Variants in MCM5 observed in about 807,000 individuals in gnomAD.
MCM5 encodes the protein minichromosome maintenance complex component 5.
MCM5 carries 46 observed loss-of-function variants against 79.9 expected under a neutral mutation model. That is an observed-to-expected ratio of 0.58 (90% confidence interval 0.45 to 0.74). MCM5 has a LOEUF of 0.74. MCM5 is among the 30% of genes least tolerant of loss of function. The pLI is 0.00. For synonymous variants in MCM5, 404 were observed against 390.5 expected (o/e 1.03, Z -0.41); for missense variants, 883 against 1,017.0 (o/e 0.87, Z 1.79).
In MCM5 at chr22:35,424,813, G is replaced by C. The variant is rs1363434704; in HGVS notation, c.*558G>C. On this transcript the variant is annotated 3_prime_UTR_variant, in exon 17 of 17. Transcript: ENST00000216122. The stretch of plus-strand genomic sequence containing the variant: ...TTATTGGGGGGCTGCGAGCCGTGGT[G>C]CGGCGGTCAGACTGCCTGGATTCAT... 6.6e-6 allele frequency: 1 copy of C among 152,316 alleles called. No individual in the cohort carries two copies. Among genetic ancestry groups the C allele is most frequent in the African/African-American group, 2.4e-5 (1 of 41,472 alleles). 9.4% of individuals were successfully genotyped at this position (152,316 alleles called of 1,614,324 possible).
the MCM5 span, among the ~76,000 whole-genome samples, chr22:35,434,333 ATCT>A: frequency 6.6e-6 from 1 of 151,862 alleles, no homozygotes; most frequent in Non-Finnish European, 1.5e-5. Context: ...CTGATGATAC[ATCT>A]TCTACACACT....
chr22:35,427,541 AT>A (rs199910857), downstream of MCM5, among the ~76,000 whole-genome samples: 4 of 98,162 alleles, frequency 4.1e-5, no homozygotes, highest in African/African-American at 1.5e-4. Flanking sequence ...TTTTATTTTT[AT>A]TTTTTTCCCT....
chr22:35,412,422 C>T, intron 7 of MCM5, 88 bp from the exon 8 acceptor site: 1 of 1,176,456 alleles, frequency 8.5e-7, no homozygotes, highest in Non-Finnish European at 1.1e-6. Context: ...GCTCTGCCTT[C>T]TGGGAGGTCC....
rs747854635 is a variant in MCM5, at chr22:35,423,378, G to A, written c.2103+37G>A. ...TTGGAGTGGGGGTGTGAGCCGGCAC[G>A]GGGTGCAGGTCTTCTGCTGGTTCCC... On this transcript the variant is annotated intron_variant, in intron 16 of 16. Coordinates refer to ENST00000216122, the MANE Select transcript of MCM5 (RefSeq NM_006739.4). 7.1e-6 allele frequency: 11 copies of A among 1,559,200 alleles called. 1 individual carries two copies. Among genetic ancestry groups the A allele is most frequent in the Non-Finnish European group, 7.9e-6 (9 of 1,144,548 alleles).
chr22:35,423,993 G>A, intron 16 of MCM5, 161 bp from the exon 17 acceptor site: 1 of 563,948 alleles, frequency 1.8e-6, no homozygotes, highest in Non-Finnish European at 3.2e-6. Context: ...CTTAGCCTCC[G>A]TGTGCCTCAG....
the MCM5 span, among the ~76,000 whole-genome samples, chr22:35,445,737 C>G: frequency 1.3e-5 from 2 of 152,108 alleles, no homozygotes; most frequent in Non-Finnish European, 2.9e-5. Context: ...TCTTGATCTC[C>G]TGACCTCAGG....
chr22:35,416,209 T>C (rs1202998486), intron 10 of MCM5, 130 bp from the exon 11 acceptor site: 3 of 989,148 alleles, frequency 3.0e-6, no homozygotes, highest in Non-Finnish European at 4.7e-6. Flanking sequence ...AGAGGTGACC[T>C]GGTTGCTGCC....
the MCM5 span, among the ~76,000 whole-genome samples, chr22:35,444,857 T>A: frequency 1.3e-5 from 2 of 151,970 alleles, no homozygotes; most frequent in African/African-American, 4.8e-5. Flanking sequence ...ATAGAAAAAA[T>A]TTAGAAAATG....
chr22:35,416,911 C>T, intron 12 of MCM5, 97 bp downstream of exon 12: 1 of 1,390,316 alleles, frequency 7.2e-7, no homozygotes, highest in East Asian at 2.3e-5. Flanking sequence ...CCTTGGCTGG[C>T]AAAGTCCTGA....
intron 2 of MCM5, among the ~76,000 whole-genome samples, chr22:35,402,893 C>G (rs1171068079): frequency 2.6e-5 from 4 of 152,190 alleles, no homozygotes; most frequent in Non-Finnish European, 5.9e-5. Flanking sequence ...GTTAAAGGCT[C>G]TGCGGAGTCC....
the MCM5 span, among the ~76,000 whole-genome samples, chr22:35,440,099 T>C: frequency 1.3e-5 from 2 of 152,250 alleles, no homozygotes; most frequent in Non-Finnish European, 2.9e-5. Flanking sequence ...TTTACACACT[T>C]GTAATCAATT....
At chr22:35,427,329 C>T (rs1932784577), downstream of MCM5, among the ~76,000 whole-genome samples, 1 of 152,178 alleles carries the variant, frequency 6.6e-6, no homozygotes, top group Admixed American at 6.5e-5. Context: ...CCTAAAGTCC[C>T]ATTCTCTTGC....
chr22:35,448,735 T>G, the MCM5 span, among the ~76,000 whole-genome samples: 1 of 152,150 alleles, frequency 6.6e-6, no homozygotes, highest in East Asian at 1.9e-4. Flanking sequence ...CCCTCCAGGT[T>G]TAGTGGCTTC....
chr22:35,432,446 G>GA, the MCM5 span, among the ~76,000 whole-genome samples: 2 of 152,124 alleles, frequency 1.3e-5, no homozygotes, highest in Non-Finnish European at 2.9e-5. Flanking sequence ...ACTGTGTGAC[G>GA]GTTCTGTTCA....
chr22:35,425,942 C>T (rs972948428), downstream of MCM5, among the ~76,000 whole-genome samples: 72 of 152,102 alleles, frequency 4.7e-4, no homozygotes, highest in Non-Finnish European at 1.9e-4. Context: ...GGCTTCAAAC[C>T]TGGTGGCTCC....
In MCM5 at chr22:35,403,537, C is replaced by T. The variant is rs774623341; in HGVS notation, c.418C>T (p.Leu140=). Residue 140 remains leucine, a synonymous_variant, in exon 4 of 17, where the codon CTG becomes TTG. Coordinates refer to ENST00000216122, the MANE Select transcript of MCM5 (RefSeq NM_006739.4). Reference sequence around the variant, plus strand: ...CGCCAGCCCTTCCAGCATTCGTAGCCTGAAGGTGGGTCGGAGGGCAGTGGC... The same window carrying T: ...CGCCAGCCCTTCCAGCATTCGTAGCTTGAAGGTGGGTCGGAGGGCAGTGGC... The part of the protein sequence containing the change: ...SDASPSSIRS[L]KSDMMSHLVK... 1.9e-6 allele frequency: 3 copies of T among 1,613,574 alleles called. No homozygotes were observed. The South Asian group carries it at 3.3e-5, about 18-fold the overall frequency.
the MCM5 span, among the ~76,000 whole-genome samples, chr22:35,446,741 C>G: frequency 1.3e-5 from 2 of 152,182 alleles, no homozygotes; most frequent in Non-Finnish European, 2.9e-5. Flanking sequence ...TCCTCTAGTC[C>G]TGGACTCACC....
the MCM5 span, among the ~76,000 whole-genome samples, chr22:35,444,948 C>A: frequency 6.6e-6 from 1 of 152,232 alleles, no homozygotes; most frequent in Non-Finnish European, 1.5e-5. Context: ...CTCATGCAGC[C>A]CAGTGAACGC....
the MCM5 span, among the ~76,000 whole-genome samples, chr22:35,431,170 G>A: frequency 1.3e-5 from 2 of 152,186 alleles, no homozygotes; most frequent in East Asian, 3.9e-4. Context: ...TCTGGTTCTG[G>A]GCATTCACCA....
Sources: allele counts gnomAD v4.1 joint callset (sites outside exome capture counted in the v4.1 genomes callset), GRCh38; gene constraint gnomAD v4.1.1; transcripts MANE v1.5; gene names NCBI Gene and HGNC (gene_info 2026-07-23, HGNC 2026-07-21).